INTS9: variants seen among roughly 807,000 people sequenced by gnomAD.
The protein encoded by INTS9 is protein related to CPSF subunits of 74 kDa.
A neutral mutation model predicts 79.7 loss-of-function variants in INTS9; 55 were observed. The ratio of observed to expected loss-of-function variants is 0.69; its 90% CI spans 0.56 to 0.86. The LOEUF is 0.86. Ranked by LOEUF, INTS9 falls within the 40% of genes least tolerant of loss-of-function variation. The pLI, the probability that INTS9 is intolerant of heterozygous loss-of-function variation, is 0.00. For missense variants in INTS9, 721 were observed against 831.5 expected, an observed-to-expected ratio of 0.87 and a Z score of 1.64; for synonymous variants, 319 against 325.2, an observed-to-expected ratio of 0.98 and a Z score of 0.20.
intron 11 of INTS9, among the ~76,000 whole-genome samples, chr8:28,786,158 A>G (rs765423878): frequency 7.2e-5 from 11 of 152,244 alleles, no homozygotes; most frequent in Non-Finnish European, 1.3e-4. Context: ...CAGTTTATCT[A>G]CACTGCATAT....
chr8:28,866,532 T>G (rs1808754317), intron 1 of INTS9, among the ~76,000 whole-genome samples: 1 of 152,200 alleles, frequency 6.6e-6, no homozygotes, highest in Non-Finnish European at 1.5e-5. Flanking sequence ...AAATGAAATT[T>G]TCCTAGTACT....
chr8:28,844,930 T>G (rs1807418820), intron 4 of INTS9, among the ~76,000 whole-genome samples: 1 of 152,246 alleles, frequency 6.6e-6, no homozygotes, highest in African/African-American at 2.4e-5. Context: ...TAACGTTTTC[T>G]TAAGTTTTTT....
At chr8:28,847,006 G>A (rs1214198259) in intron 3 of INTS9, among the ~76,000 whole-genome samples, 197 bp from the exon 4 acceptor site, 1 of 152,168 alleles carries the variant, frequency 6.6e-6, no homozygotes, top group Non-Finnish European at 1.5e-5. Flanking sequence ...GTAAAATGCT[G>A]TTTGGTTGCA....
At chr8:28,840,216 G>A (rs1169770187) in intron 4 of INTS9, among the ~76,000 whole-genome samples, 1 of 151,482 alleles carries the variant, frequency 6.6e-6, no homozygotes, top group African/African-American at 2.4e-5. Context: ...GGCCATCAGA[G>A]AAATGCAAAT....
chr8:28,859,080 CT>C (rs1808318635), intron 2 of INTS9, among the ~76,000 whole-genome samples: 1 of 151,740 alleles, frequency 6.6e-6, no homozygotes, highest in Non-Finnish European at 1.5e-5. Context: ...TGTTAAGTCT[CT>C]GCAAAGGCTG....
intron 1 of INTS9, among the ~76,000 whole-genome samples, chr8:28,870,060 A>G (rs1808989432): frequency 6.6e-6 from 1 of 152,254 alleles, no homozygotes. Context: ...CTGCCTTCGG[A>G]ACCAACATGT....
chr8:28,861,523 G>A (rs906176328), intron 1 of INTS9, among the ~76,000 whole-genome samples: 3 of 152,136 alleles, frequency 2.0e-5, no homozygotes, highest in East Asian at 3.8e-4. Context: ...GAAGATTATT[G>A]TCCGATTTTC....
chr8:28,816,797 A>G (rs1226350983), intron 6 of INTS9, among the ~76,000 whole-genome samples: 3 of 150,596 alleles, frequency 2.0e-5, no homozygotes, highest in East Asian at 3.9e-4. Context: ...CTATTTCTCC[A>G]CATCCTCTCC....
chr8:28,771,156 T>A, intron 14 of INTS9, 76 bp from the exon 15 acceptor site: 1 of 1,025,696 alleles, frequency 9.7e-7, no homozygotes, highest in Non-Finnish European at 1.5e-6. Flanking sequence ...TGTATTTACA[T>A]CACTGCAGTC....
intron 1 of INTS9, 64 bp from the exon 2 acceptor site, chr8:28,859,627 A>G: frequency 6.5e-7 from 1 of 1,542,702 alleles, no homozygotes; most frequent in Non-Finnish European, 8.9e-7. Flanking sequence ...AAGTAAAGTG[A>G]ATTAAATAAC....
chr8:28,814,419 A>G (rs1183571279), intron 6 of INTS9, among the ~76,000 whole-genome samples: 1 of 152,078 alleles, frequency 6.6e-6, no homozygotes, highest in Non-Finnish European at 1.5e-5. Context: ...ACAAATGATA[A>G]CTGACTTCAT....
chr8:28,870,085 C>A (rs1382362841), intron 1 of INTS9, among the ~76,000 whole-genome samples: 2 of 151,988 alleles, frequency 1.3e-5, no homozygotes, highest in African/African-American at 4.8e-5. Context: ...CTATCTGGAA[C>A]CAGCACTTAA....
intron 8 of INTS9, among the ~76,000 whole-genome samples, chr8:28,807,636 T>C (rs1463784487): frequency 6.6e-6 from 1 of 152,226 alleles, no homozygotes; most frequent in Admixed American, 6.5e-5. Flanking sequence ...AAATCAAAGT[T>C]GATCTCACAT....
intron 12 of INTS9, 150 bp downstream of exon 12, chr8:28,780,673 C>A: frequency 1.4e-6 from 2 of 1,433,722 alleles, no homozygotes; most frequent in East Asian, 5.0e-5. Flanking sequence ...TCTTTCTCTG[C>A]GGTTTCTTCA....
chr8:28,792,651 T>C (rs1803981910), intron 10 of INTS9, among the ~76,000 whole-genome samples: 3 of 152,088 alleles, frequency 2.0e-5, no homozygotes, highest in Admixed American at 1.3e-4. Context: ...CAGTGGCTCA[T>C]GCCTGTAATC....
intron 1 of INTS9, among the ~76,000 whole-genome samples, chr8:28,865,830 T>C (rs1211607086): frequency 6.6e-6 from 1 of 152,186 alleles, no homozygotes; most frequent in Non-Finnish European, 1.5e-5. Context: ...CTGTCAGCCA[T>C]GATCACTTTG....
intron 9 of INTS9, among the ~76,000 whole-genome samples, chr8:28,795,639 C>CAAA (rs56910832): frequency 2.1e-4 from 15 of 70,828 alleles, no homozygotes; most frequent in East Asian, 4.6e-4. Flanking sequence ...GACTCCGTCT[C>CAAA]AAAAAAAAAA....
intron 3 of INTS9, 145 bp downstream of exon 3, chr8:28,850,068 G>A (rs1419258139): frequency 1.9e-6 from 1 of 539,182 alleles, no homozygotes; most frequent in African/African-American, 1.9e-5. Context: ...ACCATGTTCT[G>A]AAGACCCTAG....
Position 28,769,786 on chromosome 8 carries a change from G to A in INTS9, c.1800+103C>T. 4.1e-6 allele frequency: 6 copies of A among 1,448,722 alleles called. 1 individual carries two copies. Among genetic ancestry groups the A allele is most frequent in the Middle Eastern group, 3.6e-4 (2 of 5,564 alleles). 89.7% of individuals were successfully genotyped at this position (1,448,722 alleles called of 1,614,324 possible). A position where few individuals can be genotyped will look rare whatever the true frequency, so the allele number is the denominator to read the frequency against. ...GATGCCACAGGACAGTGGGGACTAA[G>A]TGACAAGCAGCAACATCCACTCCCT... On this transcript the variant is annotated intron_variant, in intron 16 of 16. Transcript: ENST00000521022.
Sources: gnomAD v4.1 joint callset for allele counts (sites outside exome capture counted in the v4.1 genomes callset) on GRCh38, gnomAD v4.1.1 for gene constraint, MANE v1.5 for transcripts, NCBI Gene and HGNC (gene_info 2026-07-23, HGNC 2026-07-21) for gene names.